Variants in LRP1 observed in about 807,000 individuals in gnomAD.
LRP1 encodes LDL receptor related protein 1.
A neutral mutation model predicts 541.5 loss-of-function variants in LRP1; 51 were observed. That is an observed-to-expected ratio of 0.09 (90% CI 0.08 to 0.12). LRP1 has a LOEUF of 0.12. Among genes scored for constraint, LRP1 ranks in the 10% least tolerant of loss-of-function variants. The pLI, the probability that LRP1 is intolerant of heterozygous loss-of-function variation, is 1.00. For synonymous variants in LRP1, 2,219 were observed against 2,470.8 expected, an observed-to-expected ratio of 0.90 and a Z score of 3.02; for missense variants, 3,878 against 6,376.2, an observed-to-expected ratio of 0.61 and a Z score of 13.34.
intron 22 of LRP1, among the ~76,000 whole-genome samples, chr12:57,174,546 G>A (rs1029376769): frequency 7.9e-5 from 12 of 152,140 alleles, no homozygotes; most frequent in African/African-American, 2.2e-4. Context: ...AGGCTGAGGC[G>A]GGCAGATCAC....
intron 82 of LRP1, 50 bp downstream of exon 82, chr12:57,210,530 C>G (rs1443939642): frequency 2.0e-6 from 3 of 1,497,500 alleles, no homozygotes; most frequent in Non-Finnish European, 2.7e-6. Flanking sequence ...GGGCCCCAGC[C>G]CCGCCACCCA....
intron 1 of LRP1, among the ~76,000 whole-genome samples, chr12:57,134,288 G>A (rs1025848119): frequency 2.6e-5 from 4 of 152,030 alleles, no homozygotes; most frequent in Non-Finnish European, 5.9e-5. Flanking sequence ...TCTCCTGCCT[G>A]TCTTCCCCTT....
chr12:57,202,880 G>GT, intron 68 of LRP1: 1 of 560,180 alleles, frequency 1.8e-6, no homozygotes, highest in South Asian at 2.3e-5. Flanking sequence ...CCAAACCCTG[G>GT]TGCTTGTCTC....
intron 3 of LRP1, among the ~76,000 whole-genome samples, chr12:57,142,467 T>C (rs2035314175): frequency 2.6e-5 from 4 of 152,204 alleles, no homozygotes; most frequent in African/African-American, 9.6e-5. Context: ...TGGAAGATTT[T>C]TCTCCCTTTC....
chr12:57,210,470 C>T lies in LRP1; in HGVS notation c.12744C>T (p.Ala4248=), dbSNP rs1353220710. Residue 4248 remains alanine, a synonymous_variant, in exon 82 of 89, where the codon GCC becomes GCT. Transcript: ENST00000243077. The stretch of plus-strand genomic sequence containing the variant: ...GTCGCAATGGGGGCACCTGTGCTGC[C>T]TCCCCCTCTGGTATGCCCCCTCATC... ...EHCRNGGTCA[A]SPSGMPTCRC... is the part of the protein sequence containing the mutation. The T allele has an allele frequency of 6.5e-7, 1 of 1,527,928 alleles. No individual in the cohort carries two copies. Among genetic ancestry groups the T allele is most frequent in the Non-Finnish European group, 8.8e-7 (1 of 1,135,140 alleles). The allele number at this position is 1,527,928 out of a possible 1,614,324, so 94.6% of individuals were successfully genotyped here.
chr12:57,134,420 TC>T (rs1443797831), intron 1 of LRP1, among the ~76,000 whole-genome samples: 1 of 152,202 alleles, frequency 6.6e-6, no homozygotes, highest in East Asian at 1.9e-4. Flanking sequence ...GACAGCGTTC[TC>T]CCTGCAATTT....
At chr12:57,172,512 A>T (rs926696810) in intron 20 of LRP1, among the ~76,000 whole-genome samples, 1 of 151,916 alleles carries the variant, frequency 6.6e-6, no homozygotes, top group Admixed American at 6.6e-5. Flanking sequence ...TATCTCGGAG[A>T]TGAGACTTTG....
At position 57,162,346 on chromosome 12, in the gene LRP1, C is replaced by T. The variant is rs759900083; in HGVS notation, c.2232C>T (p.His744=). 203 of 1,614,078 alleles carry T rather than the reference C, an allele frequency of 1.3e-4. No individual in the cohort carries two copies. The highest frequency in any genetic ancestry group is 1.6e-4 in the Non-Finnish European group (193 of 1,180,046). The change falls in exon 14 of 89, where the codon CAC becomes CAT. Residue 744 remains histidine (H), a synonymous_variant. Coordinates refer to ENST00000243077, the MANE Select transcript of LRP1 (RefSeq NM_002332.3). The surrounding 1 kb of genome is among the most constrained non-coding windows in gnomAD (Gnocchi z 5.2). The part of the protein sequence containing the change: ...KIVYEGPELN[H]AFGLCHHGNY... ...TGTATGAAGGTCCTGAGCTGAACCA[C>T]GCCTTTGGCCTGTGTCACCATGGCA...
rs1476679082 is a variant in LRP1 at position 57,179,038 on chromosome 12, C to T, written c.4738+17C>T. The T allele has an allele frequency of 6.2e-7, 1 of 1,609,252 alleles. No homozygotes were observed. Among genetic ancestry groups the T allele is most frequent in the Non-Finnish European group, 8.5e-7 (1 of 1,177,964 alleles). ...CCTGCTATGGTAGGAGCCCCTCCCT[C>T]CAGAGCCAGTGAGCAACTGAGGCTG... On this transcript the variant is annotated intron_variant, in intron 28 of 88. Coordinates refer to ENST00000243077, the MANE Select transcript of LRP1 (RefSeq NM_002332.3). The surrounding 1 kb of genome is among the most constrained non-coding windows in gnomAD (Gnocchi z 6.8).
At chr12:57,168,905 A>C (rs779194717) in intron 19 of LRP1, among the ~76,000 whole-genome samples, 16 of 152,068 alleles carry the variant, frequency 1.1e-4, no homozygotes, top group Non-Finnish European at 2.2e-4. Context: ...AGCCTTTCTG[A>C]GCTTCAGTGA....
chr12:57,204,330 G>C lies in LRP1; in HGVS notation c.10952-80G>C. On this transcript the variant is annotated intron_variant, in intron 70 of 88. Transcript: ENST00000243077. This position sits in a 1 kb window ranked among gnomAD's most constrained non-coding sequence, Gnocchi z 5.3. Reference sequence around the variant, plus strand: ...ACTGCTTGCCTGGTGACCCCTCTGAGCCTGGAACCCCCACCTGTGGAGACA... The same window carrying C: ...ACTGCTTGCCTGGTGACCCCTCTGACCCTGGAACCCCCACCTGTGGAGACA... The C allele has an allele frequency of 6.9e-7, 1 of 1,441,844 alleles. No homozygotes were observed. The highest frequency in any genetic ancestry group is 9.2e-7 in the Non-Finnish European group (1 of 1,090,036). The allele number at this position is 1,441,844 out of a possible 1,614,324, so 89.3% of individuals were successfully genotyped here. A position where few individuals can be genotyped will look rare whatever the true frequency, so the allele number is the denominator to read the frequency against.
At chr12:57,144,724 C>T in intron 4 of LRP1, 9 of 532,384 alleles carry the variant, frequency 1.7e-5, no homozygotes, top group South Asian at 9.7e-5. Flanking sequence ...GCACCTGACC[C>T]ATAGTAGGGA....
chr12:57,190,732 C>A (rs1053333266), intron 42 of LRP1, 73 bp from the exon 43 acceptor site: 1 of 1,420,476 alleles, frequency 7.0e-7, no homozygotes, highest in Non-Finnish European at 9.8e-7. Context: ...CAGGTGCCTA[C>A]GCGTCCTGGC....
intron 1 of LRP1, among the ~76,000 whole-genome samples, chr12:57,133,822 T>C (rs562466865): frequency 2.6e-5 from 4 of 152,126 alleles, no homozygotes; most frequent in Non-Finnish European, 4.4e-5. Context: ...CCTTGTCCTT[T>C]AAGAAGCACC....
At chr12:57,175,382 TG>T in intron 22 of LRP1, 77 bp from the exon 23 acceptor site, 1 of 1,573,168 alleles carries the variant, frequency 6.4e-7, no homozygotes. Context: ...GCCCAGGACT[TG>T]GGGCCCAGCA....
intron 24 of LRP1, 136 bp from the exon 25 acceptor site, chr12:57,176,905 C>G: frequency 4.3e-6 from 3 of 695,424 alleles, no homozygotes; most frequent in Non-Finnish European, 7.4e-6. Flanking sequence ...GAGTCCTACT[C>G]TTGAATATGG....
At position 57,178,343 on chromosome 12, in the gene LRP1, T is replaced by G; in HGVS notation, c.4362-16T>G. ...ATCCCAGCTGGCATCCTCATTCTGC[T>G]CCATCATGCTCTTAGGTCAGATGCC... is the stretch of plus-strand genomic sequence containing the variant. On this transcript the variant is annotated splice_polypyrimidine_tract_variant and intron_variant, in intron 26 of 88. Coordinates refer to ENST00000243077, the MANE Select transcript of LRP1 (RefSeq NM_002332.3). This position sits in a 1 kb window ranked among gnomAD's most constrained non-coding sequence, Gnocchi z 5.8. 1 of 1,606,010 alleles carries G rather than the reference T, an allele frequency of 6.2e-7. No individual in the cohort carries two copies. The highest frequency in any genetic ancestry group is 2.2e-5 in the East Asian group (1 of 44,750).
chr12:57,160,089 A>C (rs2035697027), intron 12 of LRP1, 84 bp downstream of exon 12: 1 of 1,389,600 alleles, frequency 7.2e-7, no homozygotes, highest in South Asian at 1.2e-5. Context: ...ACAGGGAAGC[A>C]GGGGAAGGCA....
rs754539964 is a variant in LRP1 at position 57,158,008 on chromosome 12, C to T, written c.1562-394C>T. ...GGGCAGTAGGGAAGTAGCCAGAAGA[C>T]TTTCAGTGTAGTGGGCAAGAAGTGA... On this transcript the variant is annotated intron_variant, in intron 10 of 88. Coordinates refer to ENST00000243077, the MANE Select transcript of LRP1 (RefSeq NM_002332.3). The surrounding 1 kb of genome is among the most constrained non-coding windows in gnomAD (Gnocchi z 5.3). 6.6e-6 allele frequency among the ~76,000 whole-genome samples: 1 copy of T among 152,200 alleles called. No homozygotes were observed. Among genetic ancestry groups the T allele is most frequent in the Non-Finnish European group, 1.5e-5 (1 of 68,032 alleles).
Sources: allele counts gnomAD v4.1 joint callset (sites outside exome capture counted in the v4.1 genomes callset), GRCh38; gene constraint gnomAD v4.1.1; non-coding constraint Gnocchi (gnomAD v3.1); transcripts MANE v1.5; gene names NCBI Gene and HGNC (gene_info 2026-07-23, HGNC 2026-07-21).